Variants in AGAP1 observed in about 807,000 individuals in gnomAD.
AGAP1 encodes the protein arf-GAP with GTPase, ANK repeat and PH domain-containing protein 1.
In AGAP1, 29 loss-of-function variants were observed where a neutral mutation model predicts 105.3. That is an observed-to-expected ratio of 0.28 (90% CI 0.21 to 0.38). The LOEUF is 0.38. Ranked by LOEUF, AGAP1 falls within the 10% of genes least tolerant of loss-of-function variation. The pLI, the probability that AGAP1 is intolerant of heterozygous loss-of-function variation, is 1.00. For synonymous variants in AGAP1, 509 were observed against 485.9 expected, an observed-to-expected ratio of 1.05 and a Z score of -0.63; for missense variants, 998 against 1,165.1, an observed-to-expected ratio of 0.86 and a Z score of 2.09.
intron 6 of AGAP1, among the ~76,000 whole-genome samples, chr2:235,784,634 C>G (rs1037714636): frequency 9.5e-5 from 14 of 146,714 alleles, no homozygotes; most frequent in Non-Finnish European, 1.8e-4. Context: ...AAGTTTCTCT[C>G]TGCTATATAC....
chr2:235,749,569 C>G (rs1412650274), intron 5 of AGAP1, among the ~76,000 whole-genome samples: 1 of 151,944 alleles, frequency 6.6e-6, no homozygotes, highest in Non-Finnish European at 1.5e-5. Flanking sequence ...TCCCACCCCT[C>G]TAGGCCTCAC....
intron 1 of AGAP1, among the ~76,000 whole-genome samples, chr2:235,509,392 G>A (rs1203154152): frequency 2.6e-5 from 4 of 151,888 alleles, no homozygotes; most frequent in African/African-American, 9.7e-5. Flanking sequence ...CCACAACCAC[G>A]CCCGGCTAAT....
intron 11 of AGAP1, among the ~76,000 whole-genome samples, chr2:235,928,291 C>T (rs911296689): frequency 4.6e-5 from 7 of 152,204 alleles, no homozygotes; most frequent in South Asian, 2.1e-4. Context: ...CCTCCCCAAA[C>T]GCACCTTCGA....
intron 1 of AGAP1, among the ~76,000 whole-genome samples, chr2:235,539,283 GAT>G (rs1347928214): frequency 6.6e-6 from 1 of 152,222 alleles, no homozygotes; most frequent in East Asian, 1.9e-4. Context: ...CATGGCCTTA[GAT>G]ATACCATCAG....
intron 13 of AGAP1, among the ~76,000 whole-genome samples, chr2:235,969,332 C>G (rs2054542109): frequency 6.6e-6 from 1 of 151,976 alleles, no homozygotes; most frequent in South Asian, 2.1e-4. Context: ...ACACACACCC[C>G]CCACATTATG....
chr2:235,627,628 G>A (rs958045717), intron 1 of AGAP1, among the ~76,000 whole-genome samples: 8 of 152,160 alleles, frequency 5.3e-5, no homozygotes, highest in African/African-American at 1.7e-4. Flanking sequence ...GGTGTGAGGT[G>A]AAGCAGCAGC....
chr2:236,033,408 A>G (rs2057286032), intron 13 of AGAP1, among the ~76,000 whole-genome samples: 1 of 152,232 alleles, frequency 6.6e-6, no homozygotes, highest in East Asian at 1.9e-4. Flanking sequence ...TGTTTACATA[A>G]TTAATCGGGC....
Position 235,724,675 on chromosome 2 carries a change from G to T in AGAP1, c.310+7031G>T, listed in dbSNP as rs1205647973. Reference sequence around the variant, plus strand: ...GAACATCCAGTGCTCATGAGGAAAAGCTTTAAGAGAAAATACCAGGTGCTA... The same window carrying T: ...GAACATCCAGTGCTCATGAGGAAAATCTTTAAGAGAAAATACCAGGTGCTA... On this transcript the variant is annotated intron_variant, in intron 3 of 17. Coordinates refer to ENST00000304032, the MANE Select transcript of AGAP1 (RefSeq NM_001037131.3). This position sits in a 1 kb window ranked among gnomAD's most constrained non-coding sequence, Gnocchi z 4.9. Among the ~76,000 whole-genome samples the T allele has an allele frequency of 1.1e-4, 16 of 152,158 alleles. No individual in the cohort carries two copies. The highest frequency in any genetic ancestry group is 1.5e-5 in the Non-Finnish European group (1 of 68,028).
At chr2:235,825,650 C>G (rs541256795) in intron 9 of AGAP1, among the ~76,000 whole-genome samples, 152 of 152,168 alleles carry the variant, frequency 1.0e-3, no homozygotes, top group Non-Finnish European at 1.7e-3. Flanking sequence ...CTTAAGATGG[C>G]TAGAACTAAA....
chr2:235,880,512 C>T (rs151335760), intron 9 of AGAP1, among the ~76,000 whole-genome samples: 1,519 of 151,738 alleles, frequency 0.01, 31 homozygotes, highest in African/African-American at 0.035. Flanking sequence ...GGGTGGATCA[C>T]CTGAGGTCAG....
At chr2:235,710,580 G>C (rs1378871402) in intron 2 of AGAP1, among the ~76,000 whole-genome samples, 1 of 152,222 alleles carries the variant, frequency 6.6e-6, no homozygotes, top group Non-Finnish European at 1.5e-5. Flanking sequence ...CTCAGTCCTA[G>C]TGCTGTCTCA....
chr2:235,677,408 A>G (rs1233241446), intron 1 of AGAP1, among the ~76,000 whole-genome samples: 1 of 152,186 alleles, frequency 6.6e-6, no homozygotes, highest in Non-Finnish European at 1.5e-5. Flanking sequence ...TAAGAAATGA[A>G]GATAATTTTT....
At chr2:236,065,914 G>C (rs1407013602) in intron 16 of AGAP1, among the ~76,000 whole-genome samples, 1 of 152,222 alleles carries the variant, frequency 6.6e-6, no homozygotes, top group Non-Finnish European at 1.5e-5. Flanking sequence ...CACTGTGCTT[G>C]TCCCCAGCTG....
chr2:235,884,489 C>T (rs2050180182), intron 10 of AGAP1, among the ~76,000 whole-genome samples: 3 of 131,328 alleles, frequency 2.3e-5, no homozygotes, highest in South Asian at 5.3e-4. Context: ...CTCACTCTGT[C>T]TCCCAGGCTG....
At chr2:235,573,186 G>C (rs1341245422) in intron 1 of AGAP1, among the ~76,000 whole-genome samples, 1 of 149,270 alleles carries the variant, frequency 6.7e-6, no homozygotes, top group Non-Finnish European at 1.5e-5. Context: ...CTGCACCCTG[G>C]ATCTCCTGGG....
At chr2:235,776,470 G>A (rs12468221) in intron 6 of AGAP1, among the ~76,000 whole-genome samples, 2 of 152,148 alleles carry the variant, frequency 1.3e-5, no homozygotes, top group African/African-American at 4.8e-5. Flanking sequence ...TTTCCTGTTC[G>A]AAAGCCTTTG....
chr2:235,772,931 T>G (rs1955573050), intron 6 of AGAP1, among the ~76,000 whole-genome samples: 1 of 151,614 alleles, frequency 6.6e-6, no homozygotes, highest in Non-Finnish European at 1.5e-5. Context: ...GGATATGGAG[T>G]GAAAAGCACC....
intron 11 of AGAP1, among the ~76,000 whole-genome samples, chr2:235,923,616 C>G (rs367867020): frequency 6.6e-6 from 1 of 150,750 alleles, no homozygotes; most frequent in Non-Finnish European, 1.5e-5. Flanking sequence ...TTGGCACTCT[C>G]GTGCTTGTCT....
At chr2:236,018,559 T>A (rs773301326) in intron 13 of AGAP1, among the ~76,000 whole-genome samples, 3 of 152,216 alleles carry the variant, frequency 2.0e-5, no homozygotes, top group Non-Finnish European at 4.4e-5. Context: ...CAAGAGCATT[T>A]AAGCTCTCTG....
Sources: gnomAD v4.1 joint callset for allele counts (sites outside exome capture counted in the v4.1 genomes callset) on GRCh38, gnomAD v4.1.1 for gene constraint, Gnocchi (gnomAD v3.1) non-coding constraint, MANE v1.5 for transcripts, NCBI Gene and HGNC (gene_info 2026-07-23, HGNC 2026-07-21) for gene names.